Variants in COL5A2 observed in about 807,000 individuals in gnomAD.
The protein encoded by COL5A2 is collagen alpha-2(V) chain.
COL5A2 carries 23 observed loss-of-function variants against 208.2 expected under a neutral mutation model. The ratio of observed to expected loss-of-function variants is 0.11; its 90% CI spans 0.08 to 0.16. The LOEUF (loss-of-function observed/expected upper bound fraction) is 0.16. COL5A2 is among the 10% of genes least tolerant of loss of function. The probability of loss-of-function intolerance (pLI) is 1.00; values close to 1 mark genes in which losing one functional copy is unlikely to be tolerated. For synonymous variants in COL5A2, 625 were observed against 628.5 expected, an observed-to-expected ratio of 0.99 and a Z score of 0.08; for missense variants, 1,590 against 1,956.4, an observed-to-expected ratio of 0.81 and a Z score of 3.53.
chr2:189,339,350 C>CAA, the COL5A2 span, among the ~76,000 whole-genome samples: 10 of 114,384 alleles, frequency 8.7e-5, no homozygotes, highest in Admixed American at 1.9e-4. Context: ...GACTCTGTCT[C>CAA]AAAAAAAAAA....
intron 1 of COL5A2, among the ~76,000 whole-genome samples, chr2:189,168,718 TA>T (rs1259666303): frequency 2.0e-5 from 3 of 152,064 alleles, no homozygotes; most frequent in South Asian, 2.1e-4. Context: ...AATTCCATAA[TA>T]AAAAAAATTT....
chr2:189,034,085 T>C lies in COL5A2; in HGVS notation c.4485A>G (p.Pro1495=), dbSNP rs1452910575. ...TDQEFGVEIG[P]VCFV The stretch of plus-strand genomic sequence containing the variant: ...TTGGCTTACTTTACACAAAACAAAC[T>C]GGCCCAATTTCAACGCCGAATTCCT... The change falls in exon 54 of 54, where the codon CCA becomes CCG. Residue 1495 remains proline (P), a synonymous_variant. Coordinates refer to ENST00000374866, the MANE Select transcript of COL5A2 (RefSeq NM_000393.5). 6.2e-7 allele frequency: 1 copy of C among 1,614,010 alleles called. No homozygotes were observed. The highest frequency in any genetic ancestry group is 8.5e-7 in the Non-Finnish European group (1 of 1,179,910).
the COL5A2 span, among the ~76,000 whole-genome samples, chr2:189,305,220 G>C: frequency 2.0e-5 from 3 of 152,204 alleles, no homozygotes; most frequent in Non-Finnish European, 4.4e-5. Flanking sequence ...GAATAAAGTA[G>C]TTCTGGTAGG....
the COL5A2 span, among the ~76,000 whole-genome samples, chr2:189,365,748 C>T: frequency 1.3e-5 from 2 of 152,188 alleles, no homozygotes; most frequent in Admixed American, 6.5e-5. Context: ...CCTGGAGGCA[C>T]TCCATATTAT....
chr2:189,161,800 A>G lies in COL5A2; in HGVS notation c.97+17708T>C, dbSNP rs143163825. 7.2e-5 allele frequency among the ~76,000 whole-genome samples: 11 copies of G among 152,348 alleles called. No homozygotes were observed. In the East Asian group the frequency reaches 1.7e-3, roughly 24 times the overall value. On this transcript the variant is annotated intron_variant, in intron 1 of 53. Transcript: ENST00000374866. Reference sequence around the variant, plus strand: ...AAAAAATCAATGACATTTACAATAAATGTTATTTAGAAAACAGTGGGCAAT... The same window carrying G: ...AAAAAATCAATGACATTTACAATAAGTGTTATTTAGAAAACAGTGGGCAAT...
At position 189,043,213 on chromosome 2, in the gene COL5A2, C is replaced by A; in HGVS notation, c.3409G>T (p.Gly1137Cys). 6.2e-7 allele frequency: 1 copy of A among 1,613,892 alleles called. No individual in the cohort carries two copies. Among genetic ancestry groups the A allele is most frequent in the South Asian group, 1.1e-5 (1 of 91,048 alleles). Residue 1137 changes from glycine to cysteine, a missense_variant, in exon 48 of 54, where the codon GGT becomes TGT. Physicochemically the swap from Gly to Cys is radical, Grantham distance 159 (BLOSUM62 -3). Transcript: ENST00000374866. ...RGDKGDHGDR[G>C]DRGQKGHRGF... ...CTGTGGCCCTTCTGACCTCTGTCAC[C>A]TCGGTCTCCATGATCACCTTTGTCA...
intron 1 of COL5A2, among the ~76,000 whole-genome samples, chr2:189,138,894 A>G (rs1035429687): frequency 4.6e-5 from 7 of 152,232 alleles, no homozygotes; most frequent in African/African-American, 1.7e-4. Flanking sequence ...ATGTAAATAC[A>G]TACAAAATAT....
chr2:189,254,373 G>C, the COL5A2 span, among the ~76,000 whole-genome samples: 1 of 152,210 alleles, frequency 6.6e-6, no homozygotes, highest in Non-Finnish European at 1.5e-5. Flanking sequence ...GTAAATATTG[G>C]TTGGCTTAAC....
chr2:189,222,546 G>A (rs1576590280), intron 1 of COL5A2, among the ~76,000 whole-genome samples: 1 of 152,158 alleles, frequency 6.6e-6, no homozygotes, highest in African/African-American at 2.4e-5. Context: ...GTTCAGGTTT[G>A]TTCTACAGAA....
At chr2:189,205,060 G>A (rs1689126447) in intron 1 of COL5A2, among the ~76,000 whole-genome samples, 1 of 152,128 alleles carries the variant, frequency 6.6e-6, no homozygotes, top group Admixed American at 6.5e-5. Flanking sequence ...CTGTTTCACT[G>A]AAGGATTTTA....
At chr2:189,142,901 C>T (rs569158402) in intron 1 of COL5A2, among the ~76,000 whole-genome samples, 3 of 152,166 alleles carry the variant, frequency 2.0e-5, no homozygotes, top group African/African-American at 4.8e-5. Flanking sequence ...TTTTGACCTA[C>T]TTGACTATTC....
At chr2:189,294,156 ATAGCACAC>A in the COL5A2 span, among the ~76,000 whole-genome samples, 11 of 151,498 alleles carry the variant, frequency 7.3e-5, no homozygotes, top group Non-Finnish European at 5.9e-5. Context: ...GAACGGGCTG[ATAGCACAC>A]TATTGCTTTC....
the COL5A2 span, among the ~76,000 whole-genome samples, chr2:189,287,847 G>T: frequency 6.6e-6 from 1 of 151,996 alleles, no homozygotes; most frequent in African/African-American, 2.4e-5. Flanking sequence ...TTTAAATTAA[G>T]CAGAAAATCC....
intron 1 of COL5A2, among the ~76,000 whole-genome samples, chr2:189,117,120 G>C (rs563126972): frequency 6.6e-6 from 1 of 152,034 alleles, no homozygotes; most frequent in East Asian, 1.9e-4. Context: ...GTATACTTAA[G>C]TTTTTTTCCA....
the COL5A2 span, among the ~76,000 whole-genome samples, chr2:189,325,955 G>A: frequency 1.7e-3 from 256 of 152,100 alleles, 1 homozygote; most frequent in African/African-American, 5.7e-3. Context: ...AAATTAGTCC[G>A]GCATAGTGGC....
the COL5A2 span, among the ~76,000 whole-genome samples, chr2:189,402,739 T>C: frequency 3.3e-5 from 5 of 152,172 alleles, no homozygotes; most frequent in Admixed American, 6.5e-5. Context: ...TGTATTCTAT[T>C]CCATTGGTCT....
intron 44 of COL5A2, among the ~76,000 whole-genome samples, chr2:189,048,887 A>G (rs1282181143): frequency 6.6e-6 from 1 of 152,234 alleles, no homozygotes; most frequent in Non-Finnish European, 1.5e-5. Context: ...AAGTGCCTAA[A>G]GGAACATGAT....
chr2:189,200,247 GA>G (rs949511543), intron 1 of COL5A2, among the ~76,000 whole-genome samples: 125 of 152,206 alleles, frequency 8.2e-4, no homozygotes, highest in African/African-American at 2.4e-3. Flanking sequence ...TTAAGAGTTG[GA>G]GAATAGGGAG....
chr2:189,098,818 C>CA (rs1325984076), intron 4 of COL5A2, 59 bp from the exon 5 acceptor site: 9 of 1,222,458 alleles, frequency 7.4e-6, no homozygotes, highest in Non-Finnish European at 1.1e-5. Flanking sequence ...TCAGAGAGGT[C>CA]AATAGTAACA....
Sources: allele counts gnomAD v4.1 joint callset (sites outside exome capture counted in the v4.1 genomes callset), GRCh38; gene constraint gnomAD v4.1.1; transcripts MANE v1.5; gene names NCBI Gene and HGNC (gene_info 2026-07-23, HGNC 2026-07-21).